Variants in ZNF699 observed in about 807,000 individuals in gnomAD.
ZNF699 encodes the protein zinc finger protein 699.
In ZNF699, 18 loss-of-function variants were observed where a neutral mutation model predicts 22.5. The ratio of observed to expected loss-of-function variants is 0.80; its 90% CI spans 0.55 to 1.19. ZNF699 has a LOEUF of 1.19. Among genes scored for constraint, ZNF699 ranks in the 50% most tolerant of loss-of-function variants. The pLI, the probability that ZNF699 is intolerant of heterozygous loss-of-function variation, is 0.00. For synonymous variants in ZNF699, 241 were observed against 262.3 expected (o/e 0.92, Z 0.78); for missense variants, 670 against 763.4 (o/e 0.88, Z 1.44).
intron 3 of ZNF699, 95 bp from the exon 4 acceptor site, chr19:9,298,085 C>CA: frequency 1.4e-6 from 1 of 700,860 alleles, no homozygotes; most frequent in African/African-American, 1.8e-5. Flanking sequence ...TCTGATATTC[C>CA]AAAAATGGAC....
At chr19:9,304,938 AAAC>A in intron 2 of ZNF699, 131 bp downstream of exon 2, 1 of 612,870 alleles carries the variant, frequency 1.6e-6, no homozygotes, top group Non-Finnish European at 2.7e-6. Flanking sequence ...AAAAAAAAAA[AAAC>A]TATAGCCTTC....
Position 9,297,597 on chromosome 19 carries a change from T to G in ZNF699, c.287-118A>C. 2 of 768,752 alleles carry G rather than the reference T, an allele frequency of 2.6e-6. No individual in the cohort carries two copies. The highest frequency in any genetic ancestry group is 3.8e-4 in the Middle Eastern group (1 of 2,634). The allele number at this position is 768,752 out of a possible 1,614,324, so 47.6% of individuals were successfully genotyped here. A position where few individuals can be genotyped will look rare whatever the true frequency, so the allele number is the denominator to read the frequency against. ...AAATGGTAAGCAATTAACTAAGAAA[T>G]AATTTTATGAAGATTGAAACTAACA... On this transcript the variant is annotated intron_variant, in intron 4 of 5. Coordinates refer to ENST00000591998, the MANE Select transcript of ZNF699 (RefSeq NM_198535.3). The surrounding 1 kb of genome is among the most constrained non-coding windows in gnomAD (Gnocchi z 4.3).
At chr19:9,308,138 A>T (rs940993368) in intron 1 of ZNF699, among the ~76,000 whole-genome samples, 5 of 152,100 alleles carry the variant, frequency 3.3e-5, no homozygotes, top group African/African-American at 1.2e-4. Context: ...TCAGCTTTTT[A>T]AAAAAATTTT....
chr19:9,296,379 T>C lies in ZNF699; in HGVS notation c.1025A>G (p.Lys342Arg), dbSNP rs201118017. The change falls in exon 6 of 6, where the codon AAG becomes AGG. Residue 342 changes from lysine to arginine, a missense_variant. Transcript: ENST00000591998. ...AAGGTGAGAGGAAGAGCTAAAGGCC[T>C]TCCCACATTCCTTACATTCATATGG... ...DKPYECKECG[K>R]AFSSSSHLII... 1,261 of 1,614,070 alleles carry C rather than the reference T, an allele frequency of 7.8e-4. 2 individuals carry two copies. The highest frequency in any genetic ancestry group is 1.0e-3 in the Non-Finnish European group (1,212 of 1,180,028).
At chr19:9,305,033 T>A in intron 2 of ZNF699, 39 bp downstream of exon 2, 1 of 1,558,984 alleles carries the variant, frequency 6.4e-7, no homozygotes, top group South Asian at 1.1e-5. Context: ...CCTGGTACAA[T>A]GGAAATATTC....
chr19:9,296,490 T>G lies in ZNF699; in HGVS notation c.914A>C (p.Lys305Thr). The change falls in exon 6 of 6, where the codon AAG becomes ACG. Residue 305 changes from lysine to threonine, a missense_variant. Lys to Thr is a moderately conservative substitution (Grantham distance 78). Transcript: ENST00000591998. ...TEHKRIHSGD[K>T]PYECKECGKA... ...CCCACATTCCTTACATTCATAAGGC[T>G]TATCTCCACTGTGAATTCTTTTGTG... The G allele has an allele frequency of 6.2e-7, 1 of 1,614,196 alleles. No individual in the cohort carries two copies. Among genetic ancestry groups the G allele is most frequent in the Non-Finnish European group, 8.5e-7 (1 of 1,180,014 alleles).
In ZNF699 at chr19:9,295,720, T is replaced by G; in HGVS notation, c.1684A>C (p.Lys562Gln). ...THTGEKPYEC[K>Q]ECGKAFRHSS... ...TGACGAAATGCTTTCCCACATTCCT[T>G]ACATTCATAGGGTTTTTCCCCAGTG... Residue 562 changes from lysine (K) to glutamine (Q), a missense_variant, in exon 6 of 6, where the codon AAG becomes CAG. Coordinates refer to ENST00000591998, the MANE Select transcript of ZNF699 (RefSeq NM_198535.3). 6.2e-7 allele frequency: 1 copy of G among 1,614,104 alleles called. No homozygotes were observed. The highest frequency in any genetic ancestry group is 8.5e-7 in the Non-Finnish European group (1 of 1,180,014).
Position 9,295,899 on chromosome 19 carries a change from G to A in ZNF699, c.1505C>T (p.Pro502Leu), listed in dbSNP as rs1200579022. ...EHLRTHSGEK[P>L]YECKECGKAF... ...TTTCCCACATTCTTTACATTCATACGGCTTCTCTCCGCTGTGAGTTCTTAG... is the reference window on the plus strand; with the variant it reads ...TTTCCCACATTCTTTACATTCATACAGCTTCTCTCCGCTGTGAGTTCTTAG... The change falls in exon 6 of 6, where the codon CCG becomes CTG. Residue 502 changes from proline to leucine, a missense_variant. Pro to Leu is a moderately conservative substitution (Grantham distance 98, BLOSUM62 -3). Coordinates refer to ENST00000591998, the MANE Select transcript of ZNF699 (RefSeq NM_198535.3). The A allele has an allele frequency of 1.9e-5, 31 of 1,613,862 alleles. No homozygotes were observed. Among genetic ancestry groups the A allele is most frequent in the Admixed American group, 5.0e-5 (3 of 59,974 alleles).
Position 9,297,516 on chromosome 19 carries a change from G to A in ZNF699, c.287-37C>T. 6.6e-7 allele frequency: 1 copy of A among 1,517,292 alleles called. No individual in the cohort carries two copies. Among genetic ancestry groups the A allele is most frequent in the South Asian group, 1.3e-5 (1 of 74,664 alleles). 94.0% of individuals were successfully genotyped at this position (1,517,292 alleles called of 1,614,324 possible). On this transcript the variant is annotated intron_variant, in intron 4 of 5. Coordinates refer to ENST00000591998, the MANE Select transcript of ZNF699 (RefSeq NM_198535.3). This position sits in a 1 kb window ranked among gnomAD's most constrained non-coding sequence, Gnocchi z 4.3. Reference sequence around the variant, plus strand: ...AAAAGTGAAAGCTTCCATGAGCCAAGGACTTTTAGCAGAGTGACTATTTCA... The same window carrying A: ...AAAAGTGAAAGCTTCCATGAGCCAAAGACTTTTAGCAGAGTGACTATTTCA...
chr19:9,307,564 TTAAAA>T (rs894292430), intron 1 of ZNF699, among the ~76,000 whole-genome samples: 21 of 152,146 alleles, frequency 1.4e-4, no homozygotes, highest in African/African-American at 4.8e-4. Context: ...AAGCAGAAAA[TTAAAA>T]TAACTATTTC....
At chr19:9,303,821 CT>C (rs144086110) in intron 2 of ZNF699, among the ~76,000 whole-genome samples, 1,567 of 135,980 alleles carry the variant, frequency 0.012, 13 homozygotes, top group African/African-American at 0.032. Context: ...AAATTGTTTT[CT>C]TTTTTTTTTT....
At position 9,297,329 on chromosome 19, in the gene ZNF699, T is replaced by C; in HGVS notation, c.437A>G (p.Asp146Gly). The stretch of plus-strand genomic sequence containing the variant: ...TCTCTCATGGCTTTTGTTCTGATAA[T>C]CAATACCACAGGACTCCTGGTTTTC... Reference protein sequence around the residue: ...LHENQESCGIDYQNKSHERHL... With the variant: ...LHENQESCGIGYQNKSHERHL... The change falls in exon 5 of 6, where the codon GAT becomes GGT. Residue 146 changes from aspartate to glycine, a missense_variant. Physicochemically the swap from Asp to Gly is moderately conservative, Grantham distance 94 (BLOSUM62 -1). Coordinates refer to ENST00000591998, the MANE Select transcript of ZNF699 (RefSeq NM_198535.3). This position sits in a 1 kb window ranked among gnomAD's most constrained non-coding sequence, Gnocchi z 4.3. The C allele has an allele frequency of 1.3e-6, 2 of 1,598,800 alleles. No homozygotes were observed. The highest frequency in any genetic ancestry group is 1.7e-6 in the Non-Finnish European group (2 of 1,177,216).
At chr19:9,305,289 G>GCACACACACACACACACACACACA in intron 1 of ZNF699, among the ~76,000 whole-genome samples, 165 bp from the exon 2 acceptor site, 2 of 141,324 alleles carry the variant, frequency 1.4e-5, no homozygotes, top group African/African-American at 6.2e-5. Context: ...ACACACACAT[G>GCACACACACACACACACACACACA]CACACACCCA....
chr19:9,298,506 T>C (rs1396932728), intron 3 of ZNF699, among the ~76,000 whole-genome samples: 1 of 151,838 alleles, frequency 6.6e-6, no homozygotes, highest in East Asian at 1.9e-4. Context: ...AGAACTGATC[T>C]AATGTTCACA....
intron 1 of ZNF699, 139 bp from the exon 2 acceptor site, chr19:9,305,263 A>G (rs2066323300): frequency 3.2e-6 from 2 of 625,646 alleles, no homozygotes; most frequent in East Asian, 2.7e-5. Context: ...CCCTCAAAAC[A>G]CATACACACA....
At chr19:9,301,447 C>G (rs2066306848) in intron 3 of ZNF699, among the ~76,000 whole-genome samples, 1 of 152,140 alleles carries the variant, frequency 6.6e-6, no homozygotes, top group African/African-American at 2.4e-5. Context: ...CCCTGCTGAT[C>G]CCTTGATTTC....
Position 9,295,392 on chromosome 19 carries a change from A to G in ZNF699, c.*83T>C. Reference sequence around the variant, plus strand: ...GAGCAACAATTTCCTACTTTCTTACATTCATAGGGTGTCTCCACAGTATGA... The same window carrying G: ...GAGCAACAATTTCCTACTTTCTTACGTTCATAGGGTGTCTCCACAGTATGA... On this transcript the variant is annotated 3_prime_UTR_variant, in exon 6 of 6. Coordinates refer to ENST00000591998, the MANE Select transcript of ZNF699 (RefSeq NM_198535.3). 1.3e-6 allele frequency: 2 copies of G among 1,485,604 alleles called. No homozygotes were observed. Among genetic ancestry groups the G allele is most frequent in the Non-Finnish European group, 1.8e-6 (2 of 1,117,988 alleles). 92.0% of individuals were successfully genotyped at this position (1,485,604 alleles called of 1,614,324 possible).
chr19:9,308,363 A>C (rs1202278016), intron 1 of ZNF699, among the ~76,000 whole-genome samples: 1 of 152,200 alleles, frequency 6.6e-6, no homozygotes, highest in Non-Finnish European at 1.5e-5. Context: ...AATTACAGAT[A>C]TCATAAGGAG....
At position 9,293,601 on chromosome 19, in the gene ZNF699, A is replaced by G. The variant is rs1423968328; in HGVS notation, c.*1874T>C. Among the ~76,000 whole-genome samples, 1 of 152,208 alleles carries G rather than the reference A, an allele frequency of 6.6e-6. No individual in the cohort carries two copies. Among genetic ancestry groups the G allele is most frequent in the African/African-American group, 2.4e-5 (1 of 41,454 alleles). On this transcript the variant is annotated 3_prime_UTR_variant, in exon 6 of 6. Coordinates refer to ENST00000591998, the MANE Select transcript of ZNF699 (RefSeq NM_198535.3). ...AGAACAAGCACACCAAGTCAATTAT[A>G]GTAAGAGTCAAAATTGTGGTTGCCC... is the stretch of plus-strand genomic sequence containing the variant.
Sources: gnomAD v4.1 joint callset for allele counts (sites outside exome capture counted in the v4.1 genomes callset) on GRCh38, gnomAD v4.1.1 for gene constraint, Gnocchi (gnomAD v3.1) non-coding constraint, MANE v1.5 for transcripts, NCBI Gene and HGNC (gene_info 2026-07-23, HGNC 2026-07-21) for gene names.